ERC2: variants seen among roughly 807,000 people sequenced by gnomAD.
The protein encoded by ERC2 is ERC protein 2.
A neutral mutation model predicts 114.8 loss-of-function variants in ERC2; 42 were observed. The observed-to-expected ratio is 0.37, with a 90% CI of 0.29 to 0.47. The LOEUF (loss-of-function observed/expected upper bound fraction) is 0.47, where lower values mean the gene tolerates loss of function less well. ERC2 is among the 20% of genes least tolerant of loss of function. The pLI is 0.99. For synonymous variants in ERC2, 454 were observed against 425.5 expected, an observed-to-expected ratio of 1.07 and a Z score of -0.82; for missense variants, 939 against 1,150.7, an observed-to-expected ratio of 0.82 and a Z score of 2.66.
intron 4 of ERC2, among the ~76,000 whole-genome samples, chr3:56,153,198 C>T (rs1423074317): frequency 6.6e-6 from 1 of 152,098 alleles, no homozygotes; most frequent in Non-Finnish European, 1.5e-5. Context: ...CTATTGGGAA[C>T]CAGTCACTTT....
In ERC2 at chr3:55,643,237, T is replaced by A. The variant is rs1559789377; in HGVS notation, c.*39+40557A>T. Among the ~76,000 whole-genome samples the A allele has an allele frequency of 2.6e-5, 4 of 152,334 alleles. 1 individual carries two copies. The South Asian group carries it at 8.3e-4, about 32-fold the overall frequency. On this transcript the variant is annotated intron_variant, in intron 17 of 17. Transcript: ENST00000288221. The stretch of plus-strand genomic sequence containing the variant: ...TTTAGAATGCAACTTAAAATTTTTT[T>A]TAAAAATCTAGGCTCACCTTTCCTT...
chr3:55,931,509 A>G (rs975868342), intron 13 of ERC2, among the ~76,000 whole-genome samples: 4 of 152,090 alleles, frequency 2.6e-5, no homozygotes, highest in Non-Finnish European at 5.9e-5. Context: ...GGAACAGAAA[A>G]CCAAACAGCA....
At chr3:55,759,011 T>C (rs914119047) in intron 14 of ERC2, among the ~76,000 whole-genome samples, 1 of 152,210 alleles carries the variant, frequency 6.6e-6, no homozygotes, top group Non-Finnish European at 1.5e-5. Context: ...GACTAATTCT[T>C]GATATTTTTA....
chr3:55,871,266 A>G (rs2062571519), intron 14 of ERC2, among the ~76,000 whole-genome samples: 1 of 152,310 alleles, frequency 6.6e-6, no homozygotes, highest in Non-Finnish European at 1.5e-5. Context: ...ATGAGAGTTG[A>G]ATTAATTAAT....
At chr3:55,952,994 C>G (rs555278235) in intron 12 of ERC2, among the ~76,000 whole-genome samples, 10 of 152,120 alleles carry the variant, frequency 6.6e-5, no homozygotes, top group African/African-American at 2.4e-4. Flanking sequence ...GAGATCGAGA[C>G]CATCCTGGCT....
intron 8 of ERC2, among the ~76,000 whole-genome samples, chr3:56,014,257 AC>A (rs1421164264): frequency 6.6e-6 from 1 of 152,196 alleles, no homozygotes; most frequent in African/African-American, 2.4e-5. Flanking sequence ...TACCATAGCT[AC>A]CAGTAGTCCC....
At chr3:56,334,073 A>T (rs777867453) in intron 2 of ERC2, among the ~76,000 whole-genome samples, 1 of 152,208 alleles carries the variant, frequency 6.6e-6, no homozygotes, top group African/African-American at 2.4e-5. Flanking sequence ...CATCTAGTGG[A>T]CTATGGGATC....
At chr3:55,920,047 T>C (rs978563409) in intron 13 of ERC2, among the ~76,000 whole-genome samples, 5 of 152,078 alleles carry the variant, frequency 3.3e-5, no homozygotes, top group East Asian at 1.9e-4. Flanking sequence ...ATAGTCTACA[T>C]TGGTTAGGAA....
chr3:56,422,415 G>T (rs6790887), intron 2 of ERC2, among the ~76,000 whole-genome samples: 6,585 of 152,126 alleles, frequency 0.043, 365 homozygotes, highest in African/African-American at 0.12. Flanking sequence ...TCCTGGAGTT[G>T]CTTCCTCCCA....
chr3:55,805,457 G>A (rs1305439947), intron 14 of ERC2, among the ~76,000 whole-genome samples: 1 of 151,686 alleles, frequency 6.6e-6, no homozygotes, highest in Non-Finnish European at 1.5e-5. Flanking sequence ...TGAGCCCTGT[G>A]TCATCTGTAT....
chr3:55,918,300 T>G (rs1196438532), intron 13 of ERC2, among the ~76,000 whole-genome samples: 1 of 152,058 alleles, frequency 6.6e-6, no homozygotes, highest in African/African-American at 2.4e-5. Context: ...GGGTTTACTG[T>G]CTTAAAAAAT....
intron 7 of ERC2, among the ~76,000 whole-genome samples, chr3:56,052,008 A>G (rs2075794287): frequency 6.6e-6 from 1 of 152,182 alleles, no homozygotes; most frequent in South Asian, 2.1e-4. Flanking sequence ...GTGGCCCCAG[A>G]GAGAAAACCA....
chr3:56,252,653 A>G (rs1294233459), intron 3 of ERC2, among the ~76,000 whole-genome samples: 1 of 149,780 alleles, frequency 6.7e-6, no homozygotes, highest in Non-Finnish European at 1.5e-5. Context: ...GCTACTTAGG[A>G]GGCTGAGGCA....
chr3:56,365,592 G>A (rs146533056), intron 2 of ERC2, among the ~76,000 whole-genome samples: 246 of 152,356 alleles, frequency 1.6e-3, no homozygotes, highest in African/African-American at 5.4e-3. Flanking sequence ...CCCATCACCT[G>A]TTTTGTATGG....
At chr3:55,583,394 CCTTCTTTCCTTCCTTCCTTCCT>C (rs2057373488) in intron 17 of ERC2, among the ~76,000 whole-genome samples, 1 of 130,780 alleles carries the variant, frequency 7.6e-6, no homozygotes, top group African/African-American at 3.8e-5. Context: ...TTCTTTCCTT[CCTTCTTTCCTTCCTTCCTTCCT>C]TCCTTCCTTC....
chr3:55,977,679 G>A (rs1037743232), intron 12 of ERC2, among the ~76,000 whole-genome samples: 1 of 152,190 alleles, frequency 6.6e-6, no homozygotes, highest in Non-Finnish European at 1.5e-5. Flanking sequence ...GTAAAATCTA[G>A]AAAAATTATA....
chr3:56,042,199 C>T lies in ERC2; in HGVS notation c.1642-23168G>A, dbSNP rs143317495. ...AGGAGGGAAAAGAACTAGTTTCTAA[C>T]TGGGGAATTTAGTTGTTTGCAAAAC... On this transcript the variant is annotated intron_variant, in intron 7 of 17. Transcript: ENST00000288221. 3.3e-4 allele frequency among the ~76,000 whole-genome samples: 50 copies of T among 152,302 alleles called. No individual in the cohort carries two copies. The East Asian group carries it at 9.1e-3, about 28-fold the overall frequency.
intron 15 of ERC2, 43 bp downstream of exon 15, chr3:55,734,728 C>T (rs767791470): frequency 1.3e-6 from 2 of 1,576,968 alleles, no homozygotes; most frequent in Admixed American, 3.7e-5. Context: ...GCCCCCAAAG[C>T]CCCAAACCCA....
intron 2 of ERC2, among the ~76,000 whole-genome samples, chr3:56,322,491 C>T (rs2057173121): frequency 6.6e-6 from 1 of 152,204 alleles, no homozygotes; most frequent in Non-Finnish European, 1.5e-5. Context: ...GACCACGCCA[C>T]TGCCACTTTT....
Sources: gnomAD v4.1 joint callset for allele counts (sites outside exome capture counted in the v4.1 genomes callset) on GRCh38, gnomAD v4.1.1 for gene constraint, MANE v1.5 for transcripts, NCBI Gene and HGNC (gene_info 2026-07-23, HGNC 2026-07-21) for gene names.